SYTL5: variants seen among roughly 807,000 people sequenced by gnomAD.
The protein encoded by SYTL5 is synaptotagmin-like protein 5.
In SYTL5, 34 loss-of-function variants were observed where a neutral mutation model predicts 55.9. The ratio of observed to expected loss-of-function variants is 0.61; its 90% CI spans 0.46 to 0.81. The LOEUF (loss-of-function observed/expected upper bound fraction) is 0.81. Ranked by LOEUF, SYTL5 falls within the 30% of genes least tolerant of loss-of-function variation. The pLI is 0.00. For missense variants in SYTL5, 637 were observed against 546.7 expected (o/e 1.17, Z -1.65); for synonymous variants, 221 against 188.7 (o/e 1.17, Z -1.40).
At chrX:38,071,596 A>G (rs1263885427) in intron 3 of SYTL5, among the ~76,000 whole-genome samples, 2 of 111,727 alleles carry the variant, frequency 1.8e-5, no homozygotes, top group African/African-American at 6.5e-5. Flanking sequence ...GAGTCTGATC[A>G]TGACCTCTTT....
the SYTL5 span, among the ~76,000 whole-genome samples, chrX:37,998,403 A>G: frequency 8.9e-6 from 1 of 112,055 alleles, no homozygotes; most frequent in East Asian, 2.8e-4. Context: ...GTTCACTGGC[A>G]TCTCCAAACT....
At chrX:37,990,688 T>G in the SYTL5 span, 1 of 808,141 alleles carries the variant, frequency 1.2e-6, no homozygotes, top group Non-Finnish European at 1.7e-6. Flanking sequence ...AATCACAAAG[T>G]CTAGGGATGT....
intron 1 of SYTL5, among the ~76,000 whole-genome samples, chrX:38,008,970 C>G (rs1381394675): frequency 8.9e-6 from 1 of 111,953 alleles, no homozygotes; most frequent in African/African-American, 3.2e-5. Context: ...CCAAATAATT[C>G]ATTACAAGTG....
chrX:38,111,051 G>T (rs1406087658), intron 13 of SYTL5, among the ~76,000 whole-genome samples: 2 of 111,903 alleles, frequency 1.8e-5, no homozygotes, highest in African/African-American at 3.2e-5. Context: ...TTCTAATCTA[G>T]ACCAACAGTA....
chrX:38,024,938 A>G, intron 1 of SYTL5, among the ~76,000 whole-genome samples: 1 of 111,880 alleles, frequency 8.9e-6, no homozygotes, highest in Non-Finnish European at 1.9e-5. Flanking sequence ...TTGCAAAGAA[A>G]TTCCTGTAAT....
chrX:38,062,817 C>T (rs1258964396), intron 3 of SYTL5, among the ~76,000 whole-genome samples: 2 of 111,901 alleles, frequency 1.8e-5, no homozygotes, highest in African/African-American at 3.2e-5. Context: ...CGCAAATTAC[C>T]GAACATCCCC....
the SYTL5 span, chrX:37,949,468 A>G: frequency 9.0e-6 from 1 of 111,672 alleles, no homozygotes; most frequent in African/African-American, 3.3e-5. Flanking sequence ...TCATATTGCT[A>G]TTGCTTGCTG....
intron 11 of SYTL5, 82 bp from the exon 12 acceptor site, chrX:38,108,518 C>T (rs1937270905): frequency 5.3e-6 from 4 of 750,752 alleles, no homozygotes; most frequent in Non-Finnish European, 7.9e-6. Flanking sequence ...CCCTTTGCCC[C>T]TTTTATTCAC....
the SYTL5 span, among the ~76,000 whole-genome samples, chrX:37,907,721 A>G: frequency 8.9e-6 from 1 of 111,962 alleles, no homozygotes; most frequent in African/African-American, 3.2e-5. Context: ...TAGGTTTACC[A>G]TTCCTTGAAA....
chrX:37,954,021 C>T, the SYTL5 span, among the ~76,000 whole-genome samples: 64 of 110,978 alleles, frequency 5.8e-4, no homozygotes, highest in Middle Eastern at 4.6e-3. Context: ...CTTGTTGGAA[C>T]AAGATCATGG....
chrX:37,905,843 G>A, the SYTL5 span, among the ~76,000 whole-genome samples: 1,793 of 113,227 alleles, frequency 0.016, 20 homozygotes, highest in South Asian at 0.075. Flanking sequence ...GGGGCGGGCT[G>A]TGCCTGGCGC....
At chrX:38,045,405 A>G (rs1028948252) in intron 2 of SYTL5, among the ~76,000 whole-genome samples, 4 of 111,949 alleles carry the variant, frequency 3.6e-5, no homozygotes, top group Non-Finnish European at 7.5e-5. Flanking sequence ...TTTCCCTAAA[A>G]CTGTTACTTT....
chrX:38,012,249 A>G (rs1409143138), intron 1 of SYTL5, among the ~76,000 whole-genome samples: 1 of 112,489 alleles, frequency 8.9e-6, no homozygotes, highest in Non-Finnish European at 1.9e-5. Context: ...TTGTGCAGTC[A>G]AAAAATATTT....
the SYTL5 span, among the ~76,000 whole-genome samples, chrX:37,932,850 C>T: frequency 1.8e-5 from 2 of 111,257 alleles, no homozygotes; most frequent in African/African-American, 6.5e-5. Context: ...TACCTTAGTG[C>T]TCTTTGATCT....
the SYTL5 span, among the ~76,000 whole-genome samples, chrX:37,959,076 C>T: frequency 1.8e-5 from 2 of 111,427 alleles, no homozygotes; most frequent in South Asian, 7.6e-4. Context: ...GGACTGAATA[C>T]TTGTAGATCT....
chrX:38,008,190 A>G (rs1475703306), intron 1 of SYTL5, among the ~76,000 whole-genome samples: 2 of 112,009 alleles, frequency 1.8e-5, no homozygotes, highest in African/African-American at 6.5e-5. Context: ...CTGCGTAAGC[A>G]CTTAGCTAAT....
At chrX:38,031,036 G>T (rs1299556931) in intron 1 of SYTL5, among the ~76,000 whole-genome samples, 1 of 111,330 alleles carries the variant, frequency 9.0e-6, no homozygotes, top group Non-Finnish European at 1.9e-5. Context: ...CCAGTTTGCT[G>T]GGCTGGCTTG....
chrX:37,904,267 G>GGT, the SYTL5 span, among the ~76,000 whole-genome samples: 2 of 83,595 alleles, frequency 2.4e-5, no homozygotes, highest in African/African-American at 9.7e-5. Flanking sequence ...GGGTGGTCCG[G>GGT]GGGGGGGGGT....
chrX:38,116,413 G>C (rs1277834250), intron 13 of SYTL5, among the ~76,000 whole-genome samples: 1 of 111,988 alleles, frequency 8.9e-6, no homozygotes, highest in African/African-American at 3.2e-5. Context: ...TTCTGATATA[G>C]AGGCAATTAA....
Sources: allele counts gnomAD v4.1 joint callset (sites outside exome capture counted in the v4.1 genomes callset), GRCh38; gene constraint gnomAD v4.1.1; transcripts MANE v1.5; gene names NCBI Gene and HGNC (gene_info 2026-07-23, HGNC 2026-07-21).